EPYC: variants seen among roughly 807,000 people sequenced by gnomAD.
The protein encoded by EPYC is epiphycan, also known as dermatan sulfate proteoglycan 3.
Under a neutral mutation model 30.1 loss-of-function variants are expected in EPYC, and 28 were observed. That is an observed-to-expected ratio of 0.93 (90% confidence interval 0.69 to 1.28). The LOEUF (loss-of-function observed/expected upper bound fraction) is 1.28, where lower values mean the gene tolerates loss of function less well. Ranked by LOEUF, EPYC falls within the 50% of genes most tolerant of loss-of-function variation. The pLI is 0.00. For synonymous variants in EPYC, 144 were observed against 141.4 expected (o/e 1.02, Z -0.13); for missense variants, 382 against 383.5 (o/e 1.00, Z 0.03).
intron 2 of EPYC, among the ~76,000 whole-genome samples, chr12:90,993,537 T>G (rs749157020): frequency 6.6e-6 from 1 of 152,130 alleles, no homozygotes; most frequent in African/African-American, 2.4e-5. Flanking sequence ...AGAAAACCTT[T>G]ACTATTTTCA....
At chr12:90,974,072 A>ACACACACACCCC (rs71094701) in intron 3 of EPYC, among the ~76,000 whole-genome samples, 16 of 144,108 alleles carry the variant, frequency 1.1e-4, no homozygotes, top group Non-Finnish European at 2.3e-4. Flanking sequence ...ACACACACAC[A>ACACACACACCCC]CCCCTACCTC....
At position 90,999,234 on chromosome 12, in the gene EPYC, G is replaced by A. The variant is rs573980661; in HGVS notation, c.165+3167C>T. Among the ~76,000 whole-genome samples, 6 of 152,030 alleles carry A rather than the reference G, an allele frequency of 3.9e-5. No individual in the cohort carries two copies. The South Asian group carries it at 1.2e-3, about 32-fold the overall frequency. On this transcript the variant is annotated intron_variant, in intron 2 of 6. Coordinates refer to ENST00000261172, the MANE Select transcript of EPYC (RefSeq NM_004950.5). ...GAGGGCATGGGTATACTAGGAATGG[G>A]ACTTTTAGGGAACATCTTAGAATTC... is the stretch of plus-strand genomic sequence containing the variant.
intron 2 of EPYC, among the ~76,000 whole-genome samples, 156 bp downstream of exon 2, chr12:91,002,245 A>C (rs1372381531): frequency 2.0e-5 from 3 of 151,384 alleles, no homozygotes; most frequent in Non-Finnish European, 4.4e-5. Flanking sequence ...AACCTCCAAA[A>C]GATTGAACAT....
At chr12:91,001,914 T>C (rs769226191) in intron 2 of EPYC, among the ~76,000 whole-genome samples, 6 of 151,906 alleles carry the variant, frequency 3.9e-5, no homozygotes, top group South Asian at 2.1e-4. Context: ...ACTAGCCAGG[T>C]GCAGTGGCTT....
intron 2 of EPYC, among the ~76,000 whole-genome samples, chr12:91,002,105 G>T (rs1037491566): frequency 7.0e-6 from 1 of 141,872 alleles, no homozygotes; most frequent in African/African-American, 2.6e-5. Flanking sequence ...CAGGAGAATT[G>T]CTTGAACCCA....
intron 6 of EPYC, among the ~76,000 whole-genome samples, chr12:90,964,976 C>A (rs1876859280): frequency 6.6e-6 from 1 of 152,102 alleles, no homozygotes; most frequent in South Asian, 2.1e-4. Context: ...AACCATCTGT[C>A]TAATTTTAAA....
In EPYC at chr12:91,002,725, A is replaced by G. The variant is rs981899307; in HGVS notation, c.-13-147T>C. 8.1e-6 allele frequency: 5 copies of G among 616,240 alleles called. No homozygotes were observed. The African/African-American group carries it at 9.5e-5, about 12-fold the overall frequency. The allele number at this position is 616,240 out of a possible 1,614,324, so 38.2% of individuals were successfully genotyped here. On this transcript the variant is annotated intron_variant, in intron 1 of 6. Transcript: ENST00000261172. ...TGGATAATTTATAAACATAACACAC[A>G]AAATCATCTGATTTCCTAGGACCAT... is the stretch of plus-strand genomic sequence containing the variant.
At chr12:90,972,137 TA>T (rs1877067558) in intron 4 of EPYC, 135 bp from the exon 5 acceptor site, 1 of 566,598 alleles carries the variant, frequency 1.8e-6, no homozygotes, top group Non-Finnish European at 3.0e-6. Context: ...TTTCTTTTTA[TA>T]AAAAATTATT....
intron 2 of EPYC, among the ~76,000 whole-genome samples, chr12:91,000,270 T>A (rs536990184): frequency 6.6e-6 from 1 of 152,222 alleles, no homozygotes; most frequent in Admixed American, 6.5e-5. Flanking sequence ...GAATTGTTTG[T>A]ATGTGGTAAA....
intron 6 of EPYC, 91 bp downstream of exon 6, chr12:90,969,953 T>C: frequency 2.4e-6 from 2 of 840,018 alleles, no homozygotes; most frequent in Non-Finnish European, 4.1e-6. Flanking sequence ...TGTGTCAACA[T>C]GCCATTACAG....
chr12:90,973,898 A>T, intron 3 of EPYC, among the ~76,000 whole-genome samples: 1 of 152,156 alleles, frequency 6.6e-6, no homozygotes, highest in Non-Finnish European at 1.5e-5. Flanking sequence ...AGACTGAAGC[A>T]GGGCAACTGG....
At chr12:90,997,373 A>G (rs1276409351) in intron 2 of EPYC, among the ~76,000 whole-genome samples, 1 of 151,998 alleles carries the variant, frequency 6.6e-6, no homozygotes, top group Non-Finnish European at 1.5e-5. Context: ...GTGGATGTTG[A>G]CATCCTTCTA....
Position 90,972,977 on chromosome 12 carries a change from A to C in EPYC, c.344T>G (p.Phe115Cys). 6.4e-7 allele frequency: 1 copy of C among 1,569,838 alleles called. No homozygotes were observed. Among genetic ancestry groups the C allele is most frequent in the South Asian group, 1.2e-5 (1 of 84,030 alleles). The stretch of plus-strand genomic sequence containing the variant: ...ACAAGTACACAAAAGACAGGTTGGA[A>C]AGTCTAAAAGATAAAGGAAAATAAA... ...GVLGPHTNED[F>C]PTCLLCTCIS... The change falls in exon 4 of 7, where the codon TTT (phenylalanine) becomes TGT (cysteine). Residue 115 changes from phenylalanine (F) to cysteine (C), a missense_variant. Transcript: ENST00000261172.
At chr12:90,989,198 T>A (rs1228324029) in intron 2 of EPYC, among the ~76,000 whole-genome samples, 1 of 152,084 alleles carries the variant, frequency 6.6e-6, no homozygotes, top group East Asian at 1.9e-4. Context: ...TCATTGACAT[T>A]AGAAAAAATA....
rs1341413184 is a variant in EPYC at position 90,976,932 on chromosome 12, A to AT, written c.340+1155dup. ...GATACGCCTTTTGCCTTTCACCATG[A>AT]TTTTGAGGCCTCCTCAGCCATGTGG... On this transcript the variant is annotated intron_variant, in intron 3 of 6. Coordinates refer to ENST00000261172, the MANE Select transcript of EPYC (RefSeq NM_004950.5). 4.6e-5 allele frequency among the ~76,000 whole-genome samples: 7 copies of AT among 152,052 alleles called. No homozygotes were observed. In the East Asian group the frequency reaches 1.4e-3, roughly 29 times the overall value.
intron 2 of EPYC, among the ~76,000 whole-genome samples, chr12:91,001,468 C>A (rs950923381): frequency 6.6e-6 from 1 of 152,052 alleles, no homozygotes; most frequent in African/African-American, 2.4e-5. Context: ...TAGTTACACT[C>A]CTGCATTTCA....
intron 3 of EPYC, among the ~76,000 whole-genome samples, chr12:90,974,852 A>C (rs1485231990): frequency 6.6e-6 from 1 of 152,136 alleles, no homozygotes; most frequent in Non-Finnish European, 1.5e-5. Flanking sequence ...GAATGGAGAA[A>C]GTGAAATCTC....
intron 2 of EPYC, among the ~76,000 whole-genome samples, chr12:90,981,057 C>G (rs1200374114): frequency 6.6e-6 from 1 of 152,076 alleles, no homozygotes; most frequent in Non-Finnish European, 1.5e-5. Flanking sequence ...CTGTAGATAA[C>G]TTATATCATG....
intron 2 of EPYC, among the ~76,000 whole-genome samples, chr12:90,981,340 C>T (rs2120833399): frequency 6.6e-6 from 1 of 152,216 alleles, no homozygotes; most frequent in Non-Finnish European, 1.5e-5. Context: ...TAAGTTTCTG[C>T]TCCCTGGAGA....
Sources: allele counts gnomAD v4.1 joint callset (sites outside exome capture counted in the v4.1 genomes callset), GRCh38; gene constraint gnomAD v4.1.1; transcripts MANE v1.5; gene names NCBI Gene and HGNC (gene_info 2026-07-23, HGNC 2026-07-21).